The following ROBO1 variants were observed in gnomAD, a reference collection of about 807,000 sequenced individuals.
ROBO1 encodes roundabout guidance receptor 1, also known as roundabout homolog 1.
In ROBO1, 149 loss-of-function variants were observed where a neutral mutation model predicts 195.9. The observed-to-expected ratio is 0.76, with a 90% CI of 0.67 to 0.87. ROBO1 has a LOEUF of 0.87. Among genes scored for constraint, ROBO1 ranks in the 40% least tolerant of loss-of-function variants. The pLI, the probability that ROBO1 is intolerant of heterozygous loss-of-function variation, is 0.00. For missense variants in ROBO1, 1,933 were observed against 2,068.3 expected, an observed-to-expected ratio of 0.93 and a Z score of 1.27; for synonymous variants, 816 against 733.2, an observed-to-expected ratio of 1.11 and a Z score of -1.82.
At chr3:79,754,650 G>T (rs1406819013) in intron 1 of ROBO1, among the ~76,000 whole-genome samples, 1 of 152,144 alleles carries the variant, frequency 6.6e-6, no homozygotes, top group Non-Finnish European at 1.5e-5. Context: ...GAAGGAATAG[G>T]ATGAAATATA....
intron 4 of ROBO1, among the ~76,000 whole-genome samples, chr3:78,847,330 G>T (rs1366259848): frequency 1.3e-5 from 2 of 152,088 alleles, no homozygotes; most frequent in Non-Finnish European, 2.9e-5. Flanking sequence ...TTACATAATA[G>T]GGACCAGAAA....
chr3:79,370,300 G>A (rs1455644825), intron 2 of ROBO1, among the ~76,000 whole-genome samples: 1 of 152,064 alleles, frequency 6.6e-6, no homozygotes, highest in Non-Finnish European at 1.5e-5. Context: ...GGAGGTTGCA[G>A]TAAACTGAGA....
chr3:78,817,058 T>C (rs111503067), intron 4 of ROBO1, among the ~76,000 whole-genome samples: 12 of 152,248 alleles, frequency 7.9e-5, no homozygotes, highest in Middle Eastern at 3.4e-3. Flanking sequence ...TTTGAGAGGG[T>C]TAACTACCAT....
intron 1 of ROBO1, among the ~76,000 whole-genome samples, chr3:79,725,589 T>A (rs1444469176): frequency 1.3e-5 from 2 of 152,160 alleles, no homozygotes; most frequent in South Asian, 4.1e-4. Context: ...TGATTTTCAT[T>A]TTAAGAGTGG....
At position 79,568,478 on chromosome 3, in the gene ROBO1, T is replaced by C. The variant is rs574822510; in HGVS notation, c.88+21346A>G. On this transcript the variant is annotated intron_variant, in intron 2 of 30. Coordinates refer to ENST00000464233, the MANE Select transcript of ROBO1 (RefSeq NM_002941.4). ...AAAGTTTCTCTTACTATTTTCTACA[T>C]TGAAAAAAAAAAAAAAACAGATTGA... Among the ~76,000 whole-genome samples the C allele has an allele frequency of 5.9e-3, 563 of 96,070 alleles. 3 individuals carry two copies. The highest frequency in any genetic ancestry group is 0.028 in the African/African-American group (452 of 16,400). 63.0% of individuals were successfully genotyped at this position (96,070 alleles called of 152,430 possible).
chr3:78,820,117 A>C (rs778045050), intron 4 of ROBO1, among the ~76,000 whole-genome samples: 3 of 152,170 alleles, frequency 2.0e-5, no homozygotes, highest in Non-Finnish European at 2.9e-5. Context: ...CAATTTCTCT[A>C]CGTCTTTCAG....
chr3:78,774,486 AT>A (rs1299534036), intron 4 of ROBO1, among the ~76,000 whole-genome samples: 3 of 151,726 alleles, frequency 2.0e-5, no homozygotes, highest in Non-Finnish European at 2.9e-5. Context: ...AATTTTTTGT[AT>A]TTTTAGTAGA....
chr3:79,455,867 T>C (rs746113841), intron 2 of ROBO1, among the ~76,000 whole-genome samples: 3 of 152,098 alleles, frequency 2.0e-5, no homozygotes, highest in African/African-American at 2.4e-5. Context: ...ATACGAAACA[T>C]GACACTCTGT....
intron 2 of ROBO1, among the ~76,000 whole-genome samples, chr3:79,405,885 T>G (rs2037527449): frequency 6.6e-6 from 1 of 152,170 alleles, no homozygotes. Context: ...CTCCTAGATT[T>G]TCAAAACTAG....
chr3:79,015,043 TAAG>T (rs1006150732), intron 3 of ROBO1, among the ~76,000 whole-genome samples: 1 of 152,180 alleles, frequency 6.6e-6, no homozygotes, highest in African/African-American at 2.4e-5. Context: ...TTAAATTACA[TAAG>T]AATATTTCAT....
intron 4 of ROBO1, among the ~76,000 whole-genome samples, chr3:78,792,876 G>T (rs2084064750): frequency 6.6e-6 from 1 of 152,068 alleles, no homozygotes; most frequent in Non-Finnish European, 1.5e-5. Flanking sequence ...AAGGTGGGAG[G>T]ATCACTTGTG....
chr3:79,700,753 A>G (rs557818365), intron 1 of ROBO1, among the ~76,000 whole-genome samples: 4 of 151,790 alleles, frequency 2.6e-5, no homozygotes, highest in South Asian at 2.1e-4. Context: ...TAAGTTCCTT[A>G]TAGATTCTGG....
At chr3:78,874,021 T>G (rs1362133416) in intron 4 of ROBO1, among the ~76,000 whole-genome samples, 2 of 152,104 alleles carry the variant, frequency 1.3e-5, no homozygotes, top group Non-Finnish European at 2.9e-5. Flanking sequence ...GAGAGGATTT[T>G]TTTTTTAATG....
intron 2 of ROBO1, among the ~76,000 whole-genome samples, chr3:79,327,417 CA>C (rs1453035104): frequency 6.6e-6 from 1 of 151,938 alleles, no homozygotes; most frequent in Non-Finnish European, 1.5e-5. Flanking sequence ...GAAAATATAT[CA>C]AGCCTTTGTT....
At chr3:79,480,849 A>T (rs1306016002) in intron 2 of ROBO1, among the ~76,000 whole-genome samples, 1 of 152,082 alleles carries the variant, frequency 6.6e-6, no homozygotes, top group Non-Finnish European at 1.5e-5. Flanking sequence ...ATTCTAAATC[A>T]TCACTATTAC....
At chr3:78,760,431 C>T (rs373237191) in intron 4 of ROBO1, among the ~76,000 whole-genome samples, 16 of 152,114 alleles carry the variant, frequency 1.1e-4, no homozygotes, top group Admixed American at 8.5e-4. Flanking sequence ...TTTGGGAGGC[C>T]GAGGCAGGAG....
intron 2 of ROBO1, among the ~76,000 whole-genome samples, chr3:79,171,161 C>A (rs2081158099): frequency 6.7e-6 from 1 of 149,112 alleles, no homozygotes; most frequent in South Asian, 2.1e-4. Flanking sequence ...AATTAAATAT[C>A]TTATGTTAAA....
At chr3:79,174,838 G>A (rs77993760) in intron 2 of ROBO1, among the ~76,000 whole-genome samples, 2,328 of 148,616 alleles carry the variant, frequency 0.016, 46 homozygotes, top group African/African-American at 0.052. Flanking sequence ...TCTGGGGGAG[G>A]GAGCAAGACT....
At chr3:79,723,726 A>T (rs1702796579) in intron 1 of ROBO1, among the ~76,000 whole-genome samples, 1 of 152,202 alleles carries the variant, frequency 6.6e-6, no homozygotes, top group African/African-American at 2.4e-5. Context: ...ATCACACAGT[A>T]AGAAGTAGAA....
Sources: gnomAD v4.1 joint callset for allele counts (sites outside exome capture counted in the v4.1 genomes callset) on GRCh38, gnomAD v4.1.1 for gene constraint, MANE v1.5 for transcripts, NCBI Gene and HGNC (gene_info 2026-07-23, HGNC 2026-07-21) for gene names.